PLD5: variants seen among roughly 807,000 people sequenced by gnomAD.
The protein encoded by PLD5 is phospholipase D family member 5, also known as inactive phospholipase D5.
A neutral mutation model predicts 61.1 loss-of-function variants in PLD5; 36 were observed. The ratio of observed to expected loss-of-function variants is 0.59; its 90% confidence interval spans 0.45 to 0.78. The LOEUF (loss-of-function observed/expected upper bound fraction) is 0.78. PLD5 is among the 30% of genes least tolerant of loss of function. The pLI, the probability that PLD5 is intolerant of heterozygous loss-of-function variation, is 0.00. For missense variants in PLD5, 515 were observed against 644.4 expected (o/e 0.80, Z 2.17); for synonymous variants, 243 against 242.8 (o/e 1.00, Z -0.01).
chr1:242,374,178 G>T (rs968505766), intron 1 of PLD5, among the ~76,000 whole-genome samples: 1 of 152,106 alleles, frequency 6.6e-6, no homozygotes, highest in Non-Finnish European at 1.5e-5. Flanking sequence ...TCAATTCTTT[G>T]TGCTCCTGTA....
At chr1:242,160,209 A>C (rs914229530) in intron 5 of PLD5, among the ~76,000 whole-genome samples, 1 of 151,994 alleles carries the variant, frequency 6.6e-6, no homozygotes, top group Admixed American at 6.6e-5. Context: ...TTTTAGAGAG[A>C]GGGGACTCAT....
chr1:242,276,885 T>C (rs1674442742), intron 3 of PLD5, among the ~76,000 whole-genome samples: 1 of 152,142 alleles, frequency 6.6e-6, no homozygotes, highest in South Asian at 2.1e-4. Flanking sequence ...AAGGCCTTGC[T>C]TAATGATGGT....
chr1:242,491,675 T>C (rs1668156529), intron 1 of PLD5, among the ~76,000 whole-genome samples: 1 of 152,254 alleles, frequency 6.6e-6, no homozygotes, highest in Non-Finnish European at 1.5e-5. Flanking sequence ...TTTGTCAGTT[T>C]TATGTTGCCT....
In PLD5 at chr1:242,150,733, C is replaced by T. The variant is rs146260872; in HGVS notation, c.736-26068G>A. On this transcript the variant is annotated intron_variant, in intron 5 of 9. Coordinates refer to ENST00000536534, the MANE Select transcript of PLD5 (RefSeq NM_001372062.1). ...TTGTGGACCATGCATAGTTGGGCCT[C>T]GCTTTTTTATCCAATCTGTCAATCT... is the stretch of plus-strand genomic sequence containing the variant. Among the ~76,000 whole-genome samples the T allele has an allele frequency of 2.2e-3, 334 of 151,832 alleles. 5 individuals carry two copies. The highest frequency in any genetic ancestry group is 7.4e-3 in the African/African-American group (306 of 41,478).
chr1:242,355,680 G>A (rs1265129882), intron 1 of PLD5, among the ~76,000 whole-genome samples: 1 of 151,134 alleles, frequency 6.6e-6, no homozygotes, highest in Non-Finnish European at 1.5e-5. Context: ...GTTTTCTTAA[G>A]GTGTAACATT....
chr1:242,412,317 C>T (rs1006075129), intron 1 of PLD5, among the ~76,000 whole-genome samples: 4 of 152,274 alleles, frequency 2.6e-5, no homozygotes, highest in Admixed American at 2.6e-4. Context: ...AAGAAGGTGT[C>T]CATTCAGTTG....
In PLD5 at chr1:242,486,074, T is replaced by C. The variant is rs1311590076; in HGVS notation, c.189+38014A>G. 2.6e-5 allele frequency among the ~76,000 whole-genome samples: 4 copies of C among 152,086 alleles called. No individual in the cohort carries two copies. The East Asian group carries it at 7.7e-4, about 29-fold the overall frequency. ...TATACAAAAATTAATTCAAGATGGA[T>C]TAAAGACTTAAATGTTAGACCTAAA... On this transcript the variant is annotated intron_variant, in intron 1 of 9. Transcript: ENST00000536534.
chr1:242,254,772 G>A (rs1323296774), intron 4 of PLD5, among the ~76,000 whole-genome samples: 5 of 152,146 alleles, frequency 3.3e-5, no homozygotes, highest in African/African-American at 9.7e-5. Flanking sequence ...GCACAAGGTC[G>A]GGGCCACAAA....
chr1:242,178,339 A>G (rs983567308), intron 5 of PLD5: 9 of 152,238 alleles, frequency 5.9e-5, no homozygotes, highest in African/African-American at 2.2e-4. Flanking sequence ...CCGGCAGAAT[A>G]GAAACCTCGT....
At chr1:242,505,233 C>G (rs1668683955) in intron 1 of PLD5, among the ~76,000 whole-genome samples, 1 of 152,116 alleles carries the variant, frequency 6.6e-6, no homozygotes, top group Admixed American at 6.5e-5. Context: ...GCTGTTCCCC[C>G]TAAAAAACTG....
intron 1 of PLD5, among the ~76,000 whole-genome samples, chr1:242,450,378 C>T (rs968403972): frequency 1.3e-5 from 2 of 152,172 alleles, no homozygotes; most frequent in African/African-American, 4.8e-5. Flanking sequence ...GCATCTATTC[C>T]ACTCTAGAAT....
intron 2 of PLD5, among the ~76,000 whole-genome samples, chr1:242,342,614 T>C (rs1659899377): frequency 2.0e-5 from 3 of 152,200 alleles, no homozygotes; most frequent in Admixed American, 2.0e-4. Context: ...TGTAGGTTAC[T>C]AGCAGAAAGT....
At chr1:242,460,109 G>GAC (rs1053272848) in intron 1 of PLD5, among the ~76,000 whole-genome samples, 1 of 152,116 alleles carries the variant, frequency 6.6e-6, no homozygotes, top group Non-Finnish European at 1.5e-5. Context: ...AGAAATTACT[G>GAC]ACACACACAC....
At chr1:242,440,930 G>A (rs760972887) in intron 1 of PLD5, among the ~76,000 whole-genome samples, 1 of 152,140 alleles carries the variant, frequency 6.6e-6, no homozygotes, top group Non-Finnish European at 1.5e-5. Context: ...TTGGGTGATT[G>A]CTTAAATTTG....
In PLD5 at chr1:242,376,982, G is replaced by A. The variant is rs1661999964; in HGVS notation, c.190-28740C>T. 12 of 1,611,612 alleles carry A rather than the reference G, an allele frequency of 7.4e-6. No homozygotes were observed. The South Asian group carries it at 1.1e-4, about 15-fold the overall frequency. Reference sequence around the variant, plus strand: ...TGAAGGCCATGCCGTGTATCCGCATGTGAGTATTTGAGGCAGCTTCAGTTT... The same window carrying A: ...TGAAGGCCATGCCGTGTATCCGCATATGAGTATTTGAGGCAGCTTCAGTTT... On this transcript the variant is annotated intron_variant, in intron 1 of 9. Coordinates refer to ENST00000536534, the MANE Select transcript of PLD5 (RefSeq NM_001372062.1).
intron 2 of PLD5, among the ~76,000 whole-genome samples, chr1:242,342,383 T>C (rs1032656888): frequency 8.5e-5 from 13 of 152,180 alleles, no homozygotes; most frequent in African/African-American, 3.1e-4. Flanking sequence ...TGTTCTGCAA[T>C]TGAGCAGCAC....
At chr1:242,484,528 A>C (rs541571719) in intron 1 of PLD5, among the ~76,000 whole-genome samples, 67 of 152,344 alleles carry the variant, frequency 4.4e-4, no homozygotes, top group Middle Eastern at 6.8e-3. Context: ...GAATCCCTGA[A>C]TAGACCAATA....
intron 9 of PLD5, among the ~76,000 whole-genome samples, chr1:242,096,692 T>G (rs1378817526): frequency 6.6e-6 from 1 of 151,516 alleles, no homozygotes; most frequent in African/African-American, 2.4e-5. Context: ...TGTTTTTTTT[T>G]TTTTTTAGTC....
At chr1:242,113,218 T>A (rs183866197) in intron 7 of PLD5, among the ~76,000 whole-genome samples, 7 of 150,952 alleles carry the variant, frequency 4.6e-5, no homozygotes, top group Middle Eastern at 3.5e-3. Context: ...GCCTCCCGAG[T>A]AGCTGGGACT....
Sources: allele counts gnomAD v4.1 joint callset (sites outside exome capture counted in the v4.1 genomes callset), GRCh38; gene constraint gnomAD v4.1.1; transcripts MANE v1.5; gene names NCBI Gene and HGNC (gene_info 2026-07-23, HGNC 2026-07-21).